The following CAST variants were observed in gnomAD, a reference collection of about 807,000 sequenced individuals.
The protein encoded by CAST is MIR583 host.
CAST carries 76 observed loss-of-function variants against 119.6 expected under a neutral mutation model. The observed-to-expected ratio is 0.64, with a 90% CI of 0.53 to 0.77. The LOEUF (loss-of-function observed/expected upper bound fraction) is 0.77, where lower values mean the gene tolerates loss of function less well. CAST is among the 30% of genes least tolerant of loss of function. CAST has a pLI of 0.00. For missense variants in CAST, 953 were observed against 946.5 expected (o/e 1.01, Z -0.09); for synonymous variants, 319 against 331.6 (o/e 0.96, Z 0.41).
chr5:96,330,489 C>T, the CAST span, among the ~76,000 whole-genome samples: 1 of 152,188 alleles, frequency 6.6e-6, no homozygotes, highest in African/African-American at 2.4e-5. Flanking sequence ...TTAATGGTCA[C>T]ACCTTTTCAA....
At chr5:96,267,564 G>A in the CAST span, among the ~76,000 whole-genome samples, 1 of 152,104 alleles carries the variant, frequency 6.6e-6, no homozygotes, top group African/African-American at 2.4e-5. Flanking sequence ...TAAGAGTATT[G>A]TATCCAGCAA....
the CAST span, among the ~76,000 whole-genome samples, chr5:96,362,231 C>A: frequency 2.8e-4 from 43 of 152,214 alleles, no homozygotes; most frequent in Middle Eastern, 3.4e-3. Flanking sequence ...TCCAGTCTAT[C>A]ATTGATGGAC....
At chr5:96,068,465 A>G in the CAST span, among the ~76,000 whole-genome samples, 1 of 151,956 alleles carries the variant, frequency 6.6e-6, no homozygotes, top group Admixed American at 6.6e-5. Context: ...CTCCTGCTCC[A>G]TATTCCCTTC....
chr5:96,050,521 G>A, the CAST span, among the ~76,000 whole-genome samples: 1 of 152,340 alleles, frequency 6.6e-6, no homozygotes, highest in South Asian at 2.1e-4. Flanking sequence ...AGATGGGCGT[G>A]TGTGGTAAGA....
In CAST at chr5:96,698,261, C is replaced by A. The variant is rs1753528411; in HGVS notation, c.210+2354C>A. 2.0e-5 allele frequency among the ~76,000 whole-genome samples: 3 copies of A among 152,106 alleles called. No individual in the cohort carries two copies. The South Asian group carries it at 6.2e-4, about 32-fold the overall frequency. On this transcript the variant is annotated intron_variant, in intron 3 of 31. Coordinates refer to ENST00000675179, the MANE Select transcript of CAST (RefSeq NM_001750.7). ...ATGGGATAGTTATAAAGAATTTGAA[C>A]ATCTCCCCACAAACCCTGTTCTGTC...
At chr5:96,261,124 G>A in the CAST span, among the ~76,000 whole-genome samples, 1 of 152,094 alleles carries the variant, frequency 6.6e-6, no homozygotes, top group African/African-American at 2.4e-5. Flanking sequence ...TCATTACCTG[G>A]CCAGTGGGCT....
intron 1 of CAST, among the ~76,000 whole-genome samples, chr5:96,670,763 T>G (rs1580903103): frequency 6.6e-6 from 1 of 152,258 alleles, no homozygotes; most frequent in East Asian, 1.9e-4. Flanking sequence ...CCCAAAGTGT[T>G]GGGATTACAG....
At chr5:96,130,449 G>A in the CAST span, among the ~76,000 whole-genome samples, 12 of 144,394 alleles carry the variant, frequency 8.3e-5, no homozygotes, top group East Asian at 1.2e-3. Flanking sequence ...AGGACATTAG[G>A]AAAAAAAAAA....
chr5:96,729,801 G>A, intron 8 of CAST, 76 bp downstream of exon 8: 1 of 740,162 alleles, frequency 1.4e-6, no homozygotes, highest in Non-Finnish European at 2.5e-6. Flanking sequence ...TCACACTGAG[G>A]TGTGTAGTTC....
chr5:95,961,581 G>T, the CAST span: 1 of 1,595,934 alleles, frequency 6.3e-7, no homozygotes, highest in African/African-American at 1.4e-5. Context: ...TCACCTTGTG[G>T]CTCTGGTAAG....
chr5:96,358,701 T>G, the CAST span, among the ~76,000 whole-genome samples: 1 of 152,210 alleles, frequency 6.6e-6, no homozygotes, highest in Non-Finnish European at 1.5e-5. Context: ...AGACACTGTT[T>G]GTTATAATTT....
chr5:95,963,598 GAAAT>G, the CAST span, among the ~76,000 whole-genome samples: 45 of 152,264 alleles, frequency 3.0e-4, no homozygotes, highest in African/African-American at 1.1e-3. Context: ...TCTTAGAAGG[GAAAT>G]AGAGGCTTTA....
At chr5:96,745,060 G>A (rs907637685) in intron 16 of CAST, among the ~76,000 whole-genome samples, 2 of 152,166 alleles carry the variant, frequency 1.3e-5, no homozygotes, top group African/African-American at 2.4e-5. Flanking sequence ...CTGGCCGCAT[G>A]TGTAACTTTC....
At chr5:96,561,031 G>C (rs1746346784) in intron 1 of CAST, among the ~76,000 whole-genome samples, 1 of 152,110 alleles carries the variant, frequency 6.6e-6, no homozygotes, top group South Asian at 2.1e-4. Context: ...CATAAAAAAG[G>C]ATGAGTTCAT....
chr5:96,567,759 G>A lies in CAST; in HGVS notation c.60+37879G>A, dbSNP rs540263331. Among the ~76,000 whole-genome samples the A allele has an allele frequency of 2.0e-4, 30 of 152,150 alleles. No homozygotes were observed. In the South Asian group the frequency reaches 2.3e-3, roughly 12 times the overall value. On this transcript the variant is annotated intron_variant, in intron 1 of 11. Coordinates refer to the CAST transcript ENST00000505143. ...TTCAGTAAGTATCTATGGAACATTC[G>A]GCCAGGAGAGATATAAAGACCCATA... is the stretch of plus-strand genomic sequence containing the variant.
At chr5:96,076,017 A>C in the CAST span, among the ~76,000 whole-genome samples, 1 of 152,276 alleles carries the variant, frequency 6.6e-6, no homozygotes, top group Admixed American at 6.5e-5. Context: ...TTGTCTGGGC[A>C]TCCTACTCAT....
the CAST span, among the ~76,000 whole-genome samples, chr5:96,464,651 A>T: frequency 3.9e-5 from 6 of 152,096 alleles, no homozygotes; most frequent in African/African-American, 1.2e-4. Context: ...AGAGGGAATC[A>T]TTTTTAATTT....
rs779432064 is a variant in CAST, at chr5:96,737,925, C to T, written c.776C>T (p.Thr259Met). 6.2e-5 allele frequency: 99 copies of T among 1,596,110 alleles called. 1 individual carries two copies. The Middle Eastern group carries it at 6.6e-4, about 11-fold the overall frequency. Residue 259 changes from threonine (T) to methionine (M), a missense_variant, in exon 11 of 32, where the codon ACG (threonine) becomes ATG (methionine). Coordinates refer to ENST00000675179, the MANE Select transcript of CAST (RefSeq NM_001750.7). ...GAAGAAACTGAAGAAGAAAATACAA[C>T]GTATACTGGACCAGAAGTTTCAGTA... ...GPEETEEENTTYTGPEVSDPM... is the reference protein window; with the variant it reads ...GPEETEEENTMYTGPEVSDPM...
chr5:96,158,168 C>T, the CAST span, among the ~76,000 whole-genome samples: 1 of 152,086 alleles, frequency 6.6e-6, no homozygotes, highest in East Asian at 1.9e-4. Flanking sequence ...GACAGCCACC[C>T]ATATCCAATC....
Sources: gnomAD v4.1 joint callset for allele counts (sites outside exome capture counted in the v4.1 genomes callset) on GRCh38, gnomAD v4.1.1 for gene constraint, MANE v1.5 for transcripts, NCBI Gene and HGNC (gene_info 2026-07-23, HGNC 2026-07-21) for gene names.